GRM7: variants seen among roughly 807,000 people sequenced by gnomAD.
The protein encoded by GRM7 is glutamate metabotropic receptor 7.
A neutral mutation model predicts 84.5 loss-of-function variants in GRM7; 35 were observed. The ratio of observed to expected loss-of-function variants is 0.41; its 90% CI spans 0.32 to 0.55. GRM7 has a LOEUF of 0.55. Ranked by LOEUF, GRM7 falls within the 20% of genes least tolerant of loss-of-function variation. The probability of loss-of-function intolerance (pLI) is 0.19; values close to 1 mark genes in which losing one functional copy is unlikely to be tolerated. For missense variants in GRM7, 1,003 were observed against 1,194.6 expected (o/e 0.84, Z 2.36); for synonymous variants, 487 against 455.1 (o/e 1.07, Z -0.89).
intron 1 of GRM7, among the ~76,000 whole-genome samples, chr3:6,912,393 T>C (rs1696803069): frequency 6.6e-6 from 1 of 152,168 alleles, no homozygotes; most frequent in Non-Finnish European, 1.5e-5. Context: ...GGAAACTTGT[T>C]TCTAGCAACT....
intron 1 of GRM7, among the ~76,000 whole-genome samples, chr3:7,125,310 TA>T (rs1693364107): frequency 2.6e-5 from 4 of 152,222 alleles, no homozygotes; most frequent in Admixed American, 2.6e-4. Context: ...GAGGATCACC[TA>T]AGCCTAAGAG....
intron 8 of GRM7, among the ~76,000 whole-genome samples, chr3:7,592,441 G>C (rs1414878512): frequency 6.6e-6 from 1 of 152,200 alleles, no homozygotes; most frequent in Non-Finnish European, 1.5e-5. Flanking sequence ...TGCTGAGGCA[G>C]AAGCATGTCA....
Position 7,456,242 on chromosome 3 carries a change from G to A in GRM7, c.1375+3435G>A, listed in dbSNP as rs536396474. On this transcript the variant is annotated intron_variant, in intron 6 of 9. Coordinates refer to ENST00000357716, the MANE Select transcript of GRM7 (RefSeq NM_000844.4). ...AATTTGTTAGGTGAGTTTTCTTGAT[G>A]GTTCTTCCCTGATTCTTCTTTTAGA... Among the ~76,000 whole-genome samples the A allele has an allele frequency of 2.0e-5, 3 of 151,954 alleles. No homozygotes were observed. The South Asian group carries it at 6.2e-4, about 32-fold the overall frequency.
At chr3:6,880,380 G>C (rs1363568224) in intron 1 of GRM7, among the ~76,000 whole-genome samples, 1 of 152,120 alleles carries the variant, frequency 6.6e-6, no homozygotes, top group Non-Finnish European at 1.5e-5. Flanking sequence ...TCAAGGTTGA[G>C]GATATTTTGA....
chr3:6,931,836 C>T (rs1326415681), intron 1 of GRM7, among the ~76,000 whole-genome samples: 1 of 152,224 alleles, frequency 6.6e-6, no homozygotes, highest in African/African-American at 2.4e-5. Context: ...GCATTTGAAA[C>T]GCTGGAATGC....
chr3:7,231,486 A>G (rs897308839), intron 2 of GRM7, among the ~76,000 whole-genome samples: 3 of 152,212 alleles, frequency 2.0e-5, no homozygotes, highest in African/African-American at 4.8e-5. Flanking sequence ...AACACAATCT[A>G]TATTGGTCAA....
At chr3:7,733,846 T>A (rs1448618718) in intron 9 of GRM7, among the ~76,000 whole-genome samples, 2 of 152,146 alleles carry the variant, frequency 1.3e-5, no homozygotes, top group Non-Finnish European at 2.9e-5. Flanking sequence ...ACCTTTATAT[T>A]GCCCTGCCCT....
At chr3:6,923,326 G>GA (rs34360084) in intron 1 of GRM7, among the ~76,000 whole-genome samples, 6 of 150,814 alleles carry the variant, frequency 4.0e-5, no homozygotes, top group Non-Finnish European at 8.9e-5. Flanking sequence ...ACACGAACAT[G>GA]AAAAAAAAAA....
intron 1 of GRM7, among the ~76,000 whole-genome samples, chr3:6,869,674 A>AAC (rs113789601): frequency 6.6e-6 from 1 of 151,056 alleles, no homozygotes; most frequent in African/African-American, 2.5e-5. Flanking sequence ...AGTGAGAGAT[A>AAC]ACACACACAC....
chr3:7,034,254 C>T (rs1314016600), intron 1 of GRM7, among the ~76,000 whole-genome samples: 2 of 151,850 alleles, frequency 1.3e-5, no homozygotes, highest in Non-Finnish European at 2.9e-5. Flanking sequence ...CTTTTCTGAT[C>T]TCATCCCCAG....
intron 7 of GRM7, among the ~76,000 whole-genome samples, chr3:7,578,146 T>C (rs1254618899): frequency 6.6e-6 from 1 of 152,144 alleles, no homozygotes; most frequent in African/African-American, 2.4e-5. Flanking sequence ...AGGATATTCA[T>C]ATTTAGAATG....
chr3:7,209,714 A>G (rs1696357112), intron 2 of GRM7, among the ~76,000 whole-genome samples: 1 of 152,230 alleles, frequency 6.6e-6, no homozygotes. Flanking sequence ...AAAACTGAAG[A>G]GAAGGCATAC....
At chr3:7,552,712 G>C (rs953295222) in intron 7 of GRM7, among the ~76,000 whole-genome samples, 3 of 152,168 alleles carry the variant, frequency 2.0e-5, no homozygotes, top group African/African-American at 7.2e-5. Flanking sequence ...TCACAGCTGG[G>C]ATGCAGGGCA....
At chr3:6,977,006 T>C (rs746826349) in intron 1 of GRM7, among the ~76,000 whole-genome samples, 1 of 152,132 alleles carries the variant, frequency 6.6e-6, no homozygotes, top group Non-Finnish European at 1.5e-5. Context: ...TATGAAGTGA[T>C]CAGAATTGAT....
At position 7,397,231 on chromosome 3, in the gene GRM7, G is replaced by A. The variant is rs147781862; in HGVS notation, c.1034-17792G>A. ...TATCATATTGAAATTTTGGTGACTC[G>A]TCATCCAGACATCTTAATACTCATA... On this transcript the variant is annotated intron_variant, in intron 4 of 9. Transcript: ENST00000357716. 1.7e-3 allele frequency among the ~76,000 whole-genome samples: 260 copies of A among 152,212 alleles called. 2 individuals carry two copies. Among genetic ancestry groups the A allele is most frequent in the African/African-American group, 5.9e-3 (243 of 41,538 alleles).
At chr3:7,623,797 T>C (rs931866991) in intron 8 of GRM7, among the ~76,000 whole-genome samples, 2 of 152,130 alleles carry the variant, frequency 1.3e-5, no homozygotes, top group Non-Finnish European at 2.9e-5. Context: ...TAAAATAACA[T>C]ACATAATCCA....
In GRM7 at chr3:7,276,800, T is replaced by TCCC. The variant is rs1339828461; in HGVS notation, c.737-21884_737-21883insCCC. Among the ~76,000 whole-genome samples the TCCC allele has an allele frequency of 3.5e-3, 7 of 2,018 alleles. 1 individual carries two copies. Among genetic ancestry groups the TCCC allele is most frequent in the African/African-American group, 5.7e-3 (4 of 702 alleles). 1.3% of individuals were successfully genotyped at this position (2,018 alleles called of 152,430 possible). A position where few individuals can be genotyped will look rare whatever the true frequency, so the allele number is the denominator to read the frequency against. On this transcript the variant is annotated intron_variant, in intron 2 of 9. Transcript: ENST00000357716. ...CTTCCTTCCTTCCTTCCTTCCTTCC[T>TCCC]TCCTTTTTGGTGGTGGCATGTTGTT...
chr3:7,225,184 G>A (rs1290887810), intron 2 of GRM7, among the ~76,000 whole-genome samples: 3 of 151,846 alleles, frequency 2.0e-5, no homozygotes, highest in South Asian at 4.2e-4. Flanking sequence ...CCTAGAAGGA[G>A]TAGGATTAAT....
chr3:7,357,004 A>G (rs556806964), intron 4 of GRM7, among the ~76,000 whole-genome samples: 2 of 149,782 alleles, frequency 1.3e-5, no homozygotes, highest in African/African-American at 2.4e-5. Context: ...TATTTTATAT[A>G]TCATATAATA....
Sources: allele counts gnomAD v4.1 joint callset (sites outside exome capture counted in the v4.1 genomes callset), GRCh38; gene constraint gnomAD v4.1.1; transcripts MANE v1.5; gene names NCBI Gene and HGNC (gene_info 2026-07-23, HGNC 2026-07-21).